PPARA: variants seen among roughly 807,000 people sequenced by gnomAD.
PPARA encodes the protein peroxisome proliferator activated receptor alpha.
A neutral mutation model predicts 42.2 loss-of-function variants in PPARA; 22 were observed. The observed-to-expected ratio is 0.52, with a 90% CI of 0.37 to 0.74. The LOEUF is 0.74. Among genes scored for constraint, PPARA ranks in the 30% least tolerant of loss-of-function variants. The pLI is 0.00. For synonymous variants in PPARA, 242 were observed against 239.3 expected (o/e 1.01, Z -0.10); for missense variants, 465 against 608.2 (o/e 0.76, Z 2.48).
rs1291520974 is a variant in PPARA, at chr22:46,242,985, C to A, written c.*7605C>A. 6.5e-6 allele frequency: 1 copy of A among 152,676 alleles called. No homozygotes were observed. Among genetic ancestry groups the A allele is most frequent in the East Asian group, 1.9e-4 (1 of 5,208 alleles). 9.5% of individuals were successfully genotyped at this position (152,676 alleles called of 1,614,324 possible). ...AAATAGCTGTCTGCTCTTCAGGGAA[C>A]TGTTACCTATGGGTTATTACCAAAG... On this transcript the variant is annotated 3_prime_UTR_variant, in exon 9 of 9. Coordinates refer to ENST00000407236, the MANE Select transcript of PPARA (RefSeq NM_005036.6). The surrounding 1 kb of genome is among the most constrained non-coding windows in gnomAD (Gnocchi z 6.1).
chr22:46,212,642 C>T lies in PPARA; in HGVS notation c.209-2531C>T, dbSNP rs1298262247. Among the ~76,000 whole-genome samples the T allele has an allele frequency of 2.0e-5, 3 of 151,976 alleles. No homozygotes were observed. Among genetic ancestry groups the T allele is most frequent in the Admixed American group, 6.6e-5 (1 of 15,236 alleles). Reference sequence around the variant, plus strand: ...ATGAGTTCCCACTGTCTGTTTGTACCACAGTTTGTATATCTATTCACCTAT... The same window carrying T: ...ATGAGTTCCCACTGTCTGTTTGTACTACAGTTTGTATATCTATTCACCTAT... On this transcript the variant is annotated intron_variant, in intron 4 of 8. Transcript: ENST00000407236. This position sits in a 1 kb window ranked among gnomAD's most constrained non-coding sequence, Gnocchi z 4.2.
In PPARA at chr22:46,216,467, T is replaced by A. The variant is rs1426663823; in HGVS notation, c.369+1134T>A. Among the ~76,000 whole-genome samples the A allele has an allele frequency of 6.6e-6, 1 of 152,100 alleles. No individual in the cohort carries two copies. The highest frequency in any genetic ancestry group is 1.5e-5 in the Non-Finnish European group (1 of 68,006). ...AATACAAGACAGAGAGCTGTTACCG[T>A]TGATCTCTGGAGCCTCCCTGAAGGC... is the stretch of plus-strand genomic sequence containing the variant. On this transcript the variant is annotated intron_variant, in intron 5 of 8. Transcript: ENST00000407236. This position sits in a 1 kb window ranked among gnomAD's most constrained non-coding sequence, Gnocchi z 4.5.
chr22:46,219,746 G>A lies in PPARA; in HGVS notation c.509-66G>A, dbSNP rs375076366. On this transcript the variant is annotated intron_variant, in intron 6 of 8. Transcript: ENST00000407236. The surrounding 1 kb of genome is among the most constrained non-coding windows in gnomAD (Gnocchi z 4.8). ...GTTTAAAGTCCTGGGGGAGCCCCTC[G>A]TCCAGCCCTGTCCGCGCAGTCATGA... 7.4e-5 allele frequency: 113 copies of A among 1,526,766 alleles called. No individual in the cohort carries two copies. In the East Asian group the frequency reaches 7.5e-4, roughly 10 times the overall value. 94.6% of individuals were successfully genotyped at this position (1,526,766 alleles called of 1,614,324 possible).
At chr22:46,202,225 C>T (rs1002387184) in intron 4 of PPARA, among the ~76,000 whole-genome samples, 7 of 152,142 alleles carry the variant, frequency 4.6e-5, no homozygotes, top group Non-Finnish European at 8.8e-5. Context: ...GGTCCTCATG[C>T]AGGAGGGAAC....
At position 46,234,125 on chromosome 22, in the gene PPARA, T is replaced by C. The variant is rs1262047679; in HGVS notation, c.1160-1008T>C. Among the ~76,000 whole-genome samples the C allele has an allele frequency of 1.3e-5, 2 of 151,924 alleles. No homozygotes were observed. Among genetic ancestry groups the C allele is most frequent in the East Asian group, 3.9e-4 (2 of 5,156 alleles). On this transcript the variant is annotated intron_variant, in intron 8 of 8. Transcript: ENST00000407236. The surrounding 1 kb of genome is among the most constrained non-coding windows in gnomAD (Gnocchi z 5.8). Reference sequence around the variant, plus strand: ...AGGCATGAGCCACTGCACCCGGCAATAATTCCTCTCTTTAGAGACTTAATA... The same window carrying C: ...AGGCATGAGCCACTGCACCCGGCAACAATTCCTCTCTTTAGAGACTTAATA...
intron 7 of PPARA, among the ~76,000 whole-genome samples, chr22:46,229,558 CAAAA>C (rs765912866): frequency 8.1e-6 from 1 of 123,628 alleles, no homozygotes; most frequent in Admixed American, 8.3e-5. Context: ...GACTCTGTCT[CAAAA>C]AAAAAAAAAA....
rs976758213 is a variant in PPARA at position 46,155,018 on chromosome 22, A to C, written c.-127+3048A>C. 1.4e-3 allele frequency: 207 copies of C among 148,024 alleles called. 2 individuals are homozygous for C. Among genetic ancestry groups the C allele is most frequent in the African/African-American group, 4.9e-3 (199 of 40,404 alleles). The allele number at this position is 148,024 out of a possible 1,614,324, so 9.2% of individuals were successfully genotyped here. A position where few individuals can be genotyped will look rare whatever the true frequency, so the allele number is the denominator to read the frequency against. ...AAAAAAAAAAAAAAAAAAAAAAAAA[A>C]AAAAAAAAACCACATTAATTAAAAT... On this transcript the variant is annotated intron_variant, in intron 2 of 8. Coordinates refer to ENST00000407236, the MANE Select transcript of PPARA (RefSeq NM_005036.6).
chr22:46,152,241 C>T (rs1241323423), intron 2 of PPARA, among the ~76,000 whole-genome samples: 1 of 148,282 alleles, frequency 6.7e-6, no homozygotes, highest in Non-Finnish European at 1.5e-5. Flanking sequence ...GGGGTTCAAG[C>T]GATTCTCTTG....
At position 46,227,245 on chromosome 22, in the gene PPARA, A is replaced by C. The variant is rs1357140317; in HGVS notation, c.712-4547A>C. 1.3e-5 allele frequency among the ~76,000 whole-genome samples: 2 copies of C among 151,788 alleles called. No individual in the cohort carries two copies. Among genetic ancestry groups the C allele is most frequent in the Non-Finnish European group, 2.9e-5 (2 of 67,964 alleles). ...GCAGTTCTACCAGTGCTTCACATTT[A>C]TTTTTTATTTATTTATTTATTTTTG... On this transcript the variant is annotated intron_variant, in intron 7 of 8. Transcript: ENST00000407236. This position sits in a 1 kb window ranked among gnomAD's most constrained non-coding sequence, Gnocchi z 4.3.
rs1932103886 is a variant in PPARA at position 46,195,306 on chromosome 22, T to C, written c.-42-3036T>C. Among the ~76,000 whole-genome samples, 1 of 152,304 alleles carries C rather than the reference T, an allele frequency of 6.6e-6. No individual in the cohort carries two copies. Among genetic ancestry groups the C allele is most frequent in the African/African-American group, 2.4e-5 (1 of 41,564 alleles). On this transcript the variant is annotated intron_variant, in intron 3 of 8. Coordinates refer to ENST00000407236, the MANE Select transcript of PPARA (RefSeq NM_005036.6). The surrounding 1 kb of genome is among the most constrained non-coding windows in gnomAD (Gnocchi z 4.6). The stretch of plus-strand genomic sequence containing the variant: ...TCATAGTGAAAAATATTTTAAGTAA[T>C]GCTTACCCCATTATGTTTCTTGTCA...
At chr22:46,175,864 AC>A (rs1290988449) in intron 2 of PPARA, 1 of 152,120 alleles carries the variant, frequency 6.6e-6, no homozygotes, top group African/African-American at 2.4e-5. Context: ...GTATGGAGGA[AC>A]CATGGTTTAA....
At chr22:46,166,238 G>A (rs903797775) in intron 2 of PPARA, among the ~76,000 whole-genome samples, 2 of 152,098 alleles carry the variant, frequency 1.3e-5, no homozygotes, top group African/African-American at 2.4e-5. Context: ...AGCATCTGTC[G>A]GTCAGTTTCA....
At chr22:46,214,903 T>A (rs1385146757) in intron 4 of PPARA, among the ~76,000 whole-genome samples, 1 of 151,724 alleles carries the variant, frequency 6.6e-6, no homozygotes, top group Non-Finnish European at 1.5e-5. Flanking sequence ...GGTCCAGGGA[T>A]GTGTGATCTG....
rs1038179372 is a variant in PPARA at position 46,171,823 on chromosome 22, A to C, written c.-126-4930A>C. Among the ~76,000 whole-genome samples, 1 of 152,152 alleles carries C rather than the reference A, an allele frequency of 6.6e-6. No homozygotes were observed. Among genetic ancestry groups the C allele is most frequent in the East Asian group, 1.9e-4 (1 of 5,196 alleles). Reference sequence around the variant, plus strand: ...TGGTTTGTGTTGTGTGTGAAAGGCCATGGGATGGGGACCAGCGAGGGCTTC... The same window carrying C: ...TGGTTTGTGTTGTGTGTGAAAGGCCCTGGGATGGGGACCAGCGAGGGCTTC... On this transcript the variant is annotated intron_variant, in intron 2 of 8. Transcript: ENST00000407236. This position sits in a 1 kb window ranked among gnomAD's most constrained non-coding sequence, Gnocchi z 5.0.
rs1007496648 is a variant in PPARA, at chr22:46,192,743, CAAAT to C, written c.-42-5597_-42-5594del. Among the ~76,000 whole-genome samples, 5 of 151,934 alleles carry C rather than the reference CAAAT, an allele frequency of 3.3e-5. No individual in the cohort carries two copies. The highest frequency in any genetic ancestry group is 1.2e-4 in the African/African-American group (5 of 41,354). ...AGCAACCTAAGTGTCCATCACCAGA[CAAAT>C]AGATAAAGGAAATGTGATATATATA... On this transcript the variant is annotated intron_variant, in intron 3 of 8. Transcript: ENST00000407236. This position sits in a 1 kb window ranked among gnomAD's most constrained non-coding sequence, Gnocchi z 4.3.
chr22:46,230,888 G>C lies in PPARA; in HGVS notation c.712-904G>C, dbSNP rs2147689020. On this transcript the variant is annotated intron_variant, in intron 7 of 8. Transcript: ENST00000407236. This position sits in a 1 kb window ranked among gnomAD's most constrained non-coding sequence, Gnocchi z 5.0. ...ATTCATTGAGCAGCGTTAAATAATG[G>C]TGTTCACCCCTAAAGTGCATATACT... 6.6e-6 allele frequency among the ~76,000 whole-genome samples: 1 copy of C among 152,308 alleles called. No individual in the cohort carries two copies. Among genetic ancestry groups the C allele is most frequent in the African/African-American group, 2.4e-5 (1 of 41,554 alleles).
intron 3 of PPARA, among the ~76,000 whole-genome samples, chr22:46,185,723 C>T (rs1300633032): frequency 3.4e-5 from 5 of 148,710 alleles, no homozygotes; most frequent in African/African-American, 9.9e-5. Flanking sequence ...GGTGAAACCC[C>T]GTCTCTACTA....
In PPARA at chr22:46,167,372, C is replaced by T. The variant is rs546793603; in HGVS notation, c.-126-9381C>T. On this transcript the variant is annotated intron_variant, in intron 2 of 8. Coordinates refer to ENST00000407236, the MANE Select transcript of PPARA (RefSeq NM_005036.6). This position sits in a 1 kb window ranked among gnomAD's most constrained non-coding sequence, Gnocchi z 4.1. ...ATCTAATTGTAAGAGTTAAAACCAT[C>T]CAGGTACAGTGGCTCATGCCTGTCA... is the stretch of plus-strand genomic sequence containing the variant. Among the ~76,000 whole-genome samples the T allele has an allele frequency of 7.9e-5, 12 of 152,144 alleles. No homozygotes were observed. The highest frequency in any genetic ancestry group is 2.9e-4 in the African/African-American group (12 of 41,516).
chr22:46,234,800 G>A lies in PPARA; in HGVS notation c.1160-333G>A, dbSNP rs1166788596. On this transcript the variant is annotated intron_variant, in intron 8 of 8. Coordinates refer to ENST00000407236, the MANE Select transcript of PPARA (RefSeq NM_005036.6). This position sits in a 1 kb window ranked among gnomAD's most constrained non-coding sequence, Gnocchi z 5.8. The stretch of plus-strand genomic sequence containing the variant: ...GTGGTTGTGATCTCCAGAATGTACT[G>A]TTCCTCCTACTAGCTCTAATTTTTC... 1.3e-5 allele frequency among the ~76,000 whole-genome samples: 2 copies of A among 152,162 alleles called. No individual in the cohort carries two copies. Among genetic ancestry groups the A allele is most frequent in the East Asian group, 3.8e-4 (2 of 5,206 alleles).
Sources: allele counts gnomAD v4.1 joint callset (sites outside exome capture counted in the v4.1 genomes callset), GRCh38; gene constraint gnomAD v4.1.1; non-coding constraint Gnocchi (gnomAD v3.1); transcripts MANE v1.5; gene names NCBI Gene and HGNC (gene_info 2026-07-23, HGNC 2026-07-21).